Variants in ADAMTS12 observed in about 807,000 individuals in gnomAD.
ADAMTS12 encodes ADAM metallopeptidase with thrombospondin type 1 motif 12, also known as A disintegrin and metalloproteinase with thrombospondin motifs 12.
A neutral mutation model predicts 167.8 loss-of-function variants in ADAMTS12; 118 were observed. That is an observed-to-expected ratio of 0.70 (90% CI 0.61 to 0.82). The LOEUF (loss-of-function observed/expected upper bound fraction) is 0.82. ADAMTS12 is among the 40% of genes least tolerant of loss of function. ADAMTS12 has a pLI of 0.00. For synonymous variants in ADAMTS12, 704 were observed against 716.9 expected, an observed-to-expected ratio of 0.98 and a Z score of 0.29; for missense variants, 1,916 against 1,998.8, an observed-to-expected ratio of 0.96 and a Z score of 0.79.
At chr5:33,803,556 C>T (rs1338568289) in intron 2 of ADAMTS12, among the ~76,000 whole-genome samples, 1 of 152,140 alleles carries the variant, frequency 6.6e-6, no homozygotes, top group Non-Finnish European at 1.5e-5. Flanking sequence ...ACAATGATCT[C>T]TATGATTCAT....
intron 22 of ADAMTS12, 102 bp from the exon 23 acceptor site, chr5:33,535,094 T>A (rs1744316000): frequency 1.6e-6 from 2 of 1,264,358 alleles, no homozygotes; most frequent in African/African-American, 1.5e-5. Flanking sequence ...AATGGAAACA[T>A]CTCAATAACC....
Position 33,836,296 on chromosome 5 carries a change from G to A in ADAMTS12, c.489+44823C>T, listed in dbSNP as rs1251715839. Among the ~76,000 whole-genome samples the A allele has an allele frequency of 2.6e-5, 4 of 152,220 alleles. No homozygotes were observed. In the East Asian group the frequency reaches 7.7e-4, roughly 29 times the overall value. ...ATTTGGAATGACTTGAAAGGTCCCA[G>A]GCAGCCCCGGACCTGAAGGCTCATC... is the stretch of plus-strand genomic sequence containing the variant. On this transcript the variant is annotated intron_variant, in intron 2 of 23. Coordinates refer to ENST00000504830, the MANE Select transcript of ADAMTS12 (RefSeq NM_030955.4).
rs188151909 is a variant in ADAMTS12, at chr5:33,870,235, G to A, written c.489+10884C>T. 2.3e-3 allele frequency among the ~76,000 whole-genome samples: 348 copies of A among 152,130 alleles called. 1 individual carries two copies. Among genetic ancestry groups the A allele is most frequent in the African/African-American group, 8.0e-3 (333 of 41,504 alleles). On this transcript the variant is annotated intron_variant, in intron 2 of 23. Coordinates refer to ENST00000504830, the MANE Select transcript of ADAMTS12 (RefSeq NM_030955.4). Reference sequence around the variant, plus strand: ...TGCAATCATCACAGGGTCCTGAGGCGACATACATCTTCAGCTTATGAAGAT... The same window carrying A: ...TGCAATCATCACAGGGTCCTGAGGCAACATACATCTTCAGCTTATGAAGAT...
At chr5:33,571,394 G>A (rs1480261424) in intron 19 of ADAMTS12, among the ~76,000 whole-genome samples, 5 of 151,842 alleles carry the variant, frequency 3.3e-5, no homozygotes, top group African/African-American at 9.7e-5. Flanking sequence ...ATAACAAACT[G>A]TCTCTCAGAC....
intron 16 of ADAMTS12, among the ~76,000 whole-genome samples, chr5:33,603,084 C>T (rs1476574687): frequency 2.6e-5 from 4 of 152,142 alleles, no homozygotes; most frequent in South Asian, 2.1e-4. Flanking sequence ...GGCCCCAAAA[C>T]GCAGAATCAA....
chr5:33,576,586 A>G lies in ADAMTS12; in HGVS notation c.3440T>C (p.Leu1147Ser). The G allele has an allele frequency of 7.4e-6, 12 of 1,614,140 alleles. No homozygotes were observed. The highest frequency in any genetic ancestry group is 1.0e-5 in the Non-Finnish European group (12 of 1,180,026). ...TWPVTPFYNT[L>S]TKGPEMEIHS... The stretch of plus-strand genomic sequence containing the variant: ...AATCTCCATTTCTGGACCTTTGGTC[A>G]AGGTATTGTAAAATGGAGTCACAGG... The change falls in exon 19 of 24, where the codon TTG becomes TCG. Residue 1147 changes from leucine to serine, a missense_variant. Leu to Ser is a moderately radical substitution (Grantham distance 145). Coordinates refer to ENST00000504830, the MANE Select transcript of ADAMTS12 (RefSeq NM_030955.4).
intron 3 of ADAMTS12, among the ~76,000 whole-genome samples, chr5:33,705,678 T>TGGGCA (rs140778536): frequency 0.013 from 1,978 of 152,106 alleles, 44 homozygotes; most frequent in African/African-American, 0.046. Context: ...GGCGTGGTGC[T>TGGGCA]GGGCACCTGT....
At chr5:33,597,368 C>A (rs1313285501) in intron 16 of ADAMTS12, among the ~76,000 whole-genome samples, 2 of 152,220 alleles carry the variant, frequency 1.3e-5, no homozygotes, top group Admixed American at 1.3e-4. Flanking sequence ...CAAAGGCTGG[C>A]ACCCTGAGCT....
At chr5:33,747,661 A>T (rs955244107) in intron 3 of ADAMTS12, among the ~76,000 whole-genome samples, 10 of 152,306 alleles carry the variant, frequency 6.6e-5, no homozygotes, top group Non-Finnish European at 1.3e-4. Flanking sequence ...TACTCAAAGG[A>T]GATTGGATCG....
intron 2 of ADAMTS12, among the ~76,000 whole-genome samples, chr5:33,866,205 A>G (rs1749814472): frequency 6.6e-6 from 1 of 152,184 alleles, no homozygotes; most frequent in African/African-American, 2.4e-5. Flanking sequence ...CTACAAGGCT[A>G]TAGATACAAA....
rs376891921 is a variant in ADAMTS12 at position 33,872,714 on chromosome 5, C to T, written c.489+8405G>A. ...CAGCTCCAGCTATGGCTAAAAGGGA[C>T]CCAGACACATTTCAGGCAGGACACA... is the stretch of plus-strand genomic sequence containing the variant. On this transcript the variant is annotated intron_variant, in intron 2 of 23. Coordinates refer to ENST00000504830, the MANE Select transcript of ADAMTS12 (RefSeq NM_030955.4). Among the ~76,000 whole-genome samples the T allele has an allele frequency of 6.6e-5, 10 of 152,248 alleles. No homozygotes were observed. The East Asian group carries it at 7.7e-4, about 12-fold the overall frequency.
chr5:33,705,266 GGT>G (rs70964413), intron 3 of ADAMTS12, among the ~76,000 whole-genome samples: 32,565 of 143,714 alleles, frequency 0.23, 3,788 homozygotes, highest in East Asian at 0.49. Context: ...AGTATTCCAT[GGT>G]GTGTGTGTGT....
intron 2 of ADAMTS12, among the ~76,000 whole-genome samples, chr5:33,829,195 C>T (rs1488661900): frequency 2.0e-5 from 3 of 152,136 alleles, no homozygotes; most frequent in East Asian, 1.9e-4. Flanking sequence ...GAGACTCATA[C>T]TCATGAGCTG....
At chr5:33,808,223 G>C (rs1055304770) in intron 2 of ADAMTS12, among the ~76,000 whole-genome samples, 1 of 152,188 alleles carries the variant, frequency 6.6e-6, no homozygotes, top group Non-Finnish European at 1.5e-5. Context: ...TGGCTGTGGG[G>C]AGCAGGGCCT....
At chr5:33,870,513 G>A (rs1749999209) in intron 2 of ADAMTS12, among the ~76,000 whole-genome samples, 3 of 152,184 alleles carry the variant, frequency 2.0e-5, no homozygotes, top group African/African-American at 7.2e-5. Flanking sequence ...CCACAACAGT[G>A]TACAGTGTAC....
intron 2 of ADAMTS12, among the ~76,000 whole-genome samples, chr5:33,837,732 G>A (rs543210158): frequency 2.0e-5 from 3 of 152,136 alleles, no homozygotes; most frequent in Non-Finnish European, 4.4e-5. Flanking sequence ...CCAAGGAGAC[G>A]GGTCCATGAC....
In ADAMTS12 at chr5:33,739,327, G is replaced by A. The variant is rs115970914; in HGVS notation, c.634+12077C>T. On this transcript the variant is annotated intron_variant, in intron 3 of 23. Coordinates refer to ENST00000504830, the MANE Select transcript of ADAMTS12 (RefSeq NM_030955.4). ...CTCCATACACACACACACACACTAC[G>A]CACAGCCCCCACTGGGCTGAGTTTA... Among the ~76,000 whole-genome samples the A allele has an allele frequency of 2.9e-3, 433 of 151,816 alleles. 1 individual carries two copies. Among genetic ancestry groups the A allele is most frequent in the African/African-American group, 0.01 (422 of 41,214 alleles).
At chr5:33,573,949 T>C (rs369037936) in intron 19 of ADAMTS12, among the ~76,000 whole-genome samples, 10 of 152,166 alleles carry the variant, frequency 6.6e-5, no homozygotes, top group African/African-American at 2.4e-4. Flanking sequence ...TATGAGCAGA[T>C]ACTTCTCAAA....
chr5:33,883,341 TG>T (rs1172213228), intron 1 of ADAMTS12, among the ~76,000 whole-genome samples: 1,471 of 114,652 alleles, frequency 0.013, 17 homozygotes, highest in Middle Eastern at 0.1. Context: ...TTTTTTTTTT[TG>T]TTTTTTTTTT....
Sources: gnomAD v4.1 joint callset for allele counts (sites outside exome capture counted in the v4.1 genomes callset) on GRCh38, gnomAD v4.1.1 for gene constraint, MANE v1.5 for transcripts, NCBI Gene and HGNC (gene_info 2026-07-23, HGNC 2026-07-21) for gene names.